The following DAB2 variants were observed in gnomAD, a reference collection of about 807,000 sequenced individuals.
The protein encoded by DAB2 is DAB adaptor protein 2, also known as disabled homolog 2.
DAB2 carries 28 observed loss-of-function variants against 71.6 expected under a neutral mutation model. The ratio of observed to expected loss-of-function variants is 0.39; its 90% confidence interval spans 0.29 to 0.54. DAB2 has a LOEUF of 0.54. DAB2 is among the 20% of genes least tolerant of loss of function. The pLI is 0.68. For synonymous variants in DAB2, 345 were observed against 339.7 expected (o/e 1.02, Z -0.17); for missense variants, 867 against 928.8 (o/e 0.93, Z 0.86).
At position 39,377,244 on chromosome 5, in the gene DAB2, T is replaced by C. The variant is rs1345720873; in HGVS notation, c.1543A>G (p.Asn515Asp). 6.2e-7 allele frequency: 1 copy of C among 1,614,096 alleles called. No homozygotes were observed. ...TVTLPQAGPW[N>D]TASLVFNQSP... ...TGATTGAAGACCAAAGATGCTGTGT[T>C]CCATGGTCCTGCCTGAGGGAGTGTG... Residue 515 changes from asparagine to aspartate, a missense_variant, in exon 12 of 15, where the codon AAC becomes GAC. Asn to Asp is a conservative substitution (Grantham distance 23). Around this residue, in one of 2 missense-constraint regions of DAB2, gnomAD observed 740 missense variants for 734.3 expected, o/e 1.01. Coordinates refer to ENST00000320816, the MANE Select transcript of DAB2 (RefSeq NM_001343.4).
intron 3 of DAB2, 95 bp downstream of exon 3, chr5:39,393,159 A>G: frequency 7.7e-7 from 1 of 1,299,994 alleles, no homozygotes; most frequent in Non-Finnish European, 1.1e-6. Flanking sequence ...GCAGTTTTCA[A>G]GTAATTGAAC....
intron 1 of DAB2, chr5:39,417,612 T>C (rs1193245473): frequency 6.6e-6 from 1 of 152,208 alleles, no homozygotes; most frequent in Non-Finnish European, 1.5e-5. Flanking sequence ...ACCACTTAAC[T>C]ACAATAAAAT....
Position 39,401,762 on chromosome 5 carries a change from T to TTTATTTATTTATTTACTTAC in DAB2, c.-101-7342_-101-7341insGTAAGTAAATAAATAAATAA, listed in dbSNP as rs879679271. On this transcript the variant is annotated intron_variant, in intron 1 of 14. Transcript: ENST00000320816. ...ATTTATTTATTTATTTATTTATTTA[T>TTTATTTATTTATTTACTTAC]TTATTTTTGAGACGGAGTCTTGCTC... Among the ~76,000 whole-genome samples the TTTATTTATTTATTTACTTAC allele has an allele frequency of 1.6e-4, 24 of 151,260 alleles. No homozygotes were observed. In the South Asian group the frequency reaches 4.4e-3, roughly 28 times the overall value.
chr5:39,421,226 T>C (rs1220010631), intron 1 of DAB2, among the ~76,000 whole-genome samples: 1 of 152,202 alleles, frequency 6.6e-6, no homozygotes. Flanking sequence ...CTTTTTCAAG[T>C]AGGTGAAGGG....
chr5:39,406,660 T>C (rs549784930), intron 1 of DAB2, among the ~76,000 whole-genome samples: 123 of 152,328 alleles, frequency 8.1e-4, no homozygotes, highest in African/African-American at 2.9e-3. Context: ...AAAGTGTTCA[T>C]AGGCAACTGG....
At chr5:39,415,473 A>G (rs1450292248) in intron 1 of DAB2, among the ~76,000 whole-genome samples, 2 of 152,202 alleles carry the variant, frequency 1.3e-5, no homozygotes, top group East Asian at 3.8e-4. Context: ...GAACTTCTGT[A>G]TTCTAGAACC....
At chr5:39,403,787 T>C (rs1579919725) in intron 1 of DAB2, among the ~76,000 whole-genome samples, 1 of 151,342 alleles carries the variant, frequency 6.6e-6, no homozygotes, top group East Asian at 2.0e-4. Context: ...TACTCTGGAC[T>C]CATTATAACC....
At chr5:39,405,893 C>G (rs892076919) in intron 1 of DAB2, among the ~76,000 whole-genome samples, 11 of 152,170 alleles carry the variant, frequency 7.2e-5, no homozygotes, top group African/African-American at 2.7e-4. Flanking sequence ...AGAGAAATAT[C>G]AAGTCACCTA....
chr5:39,396,713 G>A (rs1054486348), intron 1 of DAB2, among the ~76,000 whole-genome samples: 5 of 152,214 alleles, frequency 3.3e-5, no homozygotes, highest in African/African-American at 4.8e-5. Context: ...GACAGTAACC[G>A]TTTTCCAGAA....
intron 1 of DAB2, chr5:39,418,399 AGACCAGGTCTTGGCCCCC>A (rs1399441906): frequency 6.6e-6 from 1 of 152,224 alleles, no homozygotes; most frequent in African/African-American, 2.4e-5. Context: ...ACAGAAAACT[AGACCAGGTCTTGGCCCCC>A]TAATAGGACA....
Position 39,392,447 on chromosome 5 carries a change from C to T in DAB2, c.248G>A (p.Gly83Asp). The T allele has an allele frequency of 1.2e-6, 2 of 1,613,598 alleles. No homozygotes were observed. Among genetic ancestry groups the T allele is most frequent in the East Asian group, 2.2e-5 (1 of 44,888 alleles). The change falls in exon 4 of 15, where the codon GGT becomes GAT. Residue 83 changes from glycine to aspartate, a missense_variant. Transcript: ENST00000320816. The part of the protein sequence containing the change: ...MMKLKGMAAA[G>D]RSQGQHKQRI... ...TTGTTTGTGTTGTCCCTGAGACCGACCAGCTGCCGCCATTCCCTGATGAGG... is the reference window on the plus strand; with the variant it reads ...TTGTTTGTGTTGTCCCTGAGACCGATCAGCTGCCGCCATTCCCTGATGAGG...
Position 39,373,587 on chromosome 5 carries a change from C to A in DAB2, c.*6-162G>T, listed in dbSNP as rs700239. ...TAAATGTAGAGCATCTAATAAAATG[C>A]TTAGCGCAAGTGCTCAACAATGTTA... On this transcript the variant is annotated intron_variant, in intron 14 of 14. Transcript: ENST00000320816. Among the ~76,000 whole-genome samples, 120,661 of 152,098 alleles carry A rather than the reference C, an allele frequency of 0.79. 49,470 individuals are homozygous for A. Among genetic ancestry groups the A allele is most frequent in the Non-Finnish European group, 0.9 (60,908 of 68,008 alleles).
At chr5:39,420,272 C>A (rs1437108046) in intron 1 of DAB2, among the ~76,000 whole-genome samples, 1 of 152,140 alleles carries the variant, frequency 6.6e-6, no homozygotes, top group Admixed American at 6.6e-5. Context: ...AGATCAAAGT[C>A]TTTTTGGGAC....
At chr5:39,405,509 G>A (rs1245965683) in intron 1 of DAB2, among the ~76,000 whole-genome samples, 2 of 152,144 alleles carry the variant, frequency 1.3e-5, no homozygotes, top group African/African-American at 4.8e-5. Flanking sequence ...AATCATTTGG[G>A]CTATGACCTG....
chr5:39,390,018 G>GA (rs1223171932), intron 5 of DAB2, 86 bp from the exon 6 acceptor site: 27 of 1,035,254 alleles, frequency 2.6e-5, no homozygotes, highest in Non-Finnish European at 3.6e-5. Context: ...TTCATACTGG[G>GA]ATTTTTTTTT....
In DAB2 at chr5:39,386,451, C is replaced by CT. The variant is rs1338512048; in HGVS notation, c.687+1853dup. 3.9e-5 allele frequency among the ~76,000 whole-genome samples: 6 copies of CT among 152,114 alleles called. No homozygotes were observed. The East Asian group carries it at 1.2e-3, about 29-fold the overall frequency. On this transcript the variant is annotated intron_variant, in intron 9 of 14. Coordinates refer to ENST00000320816, the MANE Select transcript of DAB2 (RefSeq NM_001343.4). ...AGATAAATCTATTTTTGACCTATGACTATAGAGTCAATAGATAAGAACATG... is the reference window on the plus strand; with the variant it reads ...AGATAAATCTATTTTTGACCTATGACTTATAGAGTCAATAGATAAGAACATG...
intron 1 of DAB2, among the ~76,000 whole-genome samples, chr5:39,406,985 A>G (rs1755621983): frequency 6.6e-6 from 1 of 152,228 alleles, no homozygotes; most frequent in African/African-American, 2.4e-5. Flanking sequence ...TAAATTTGGC[A>G]TCTAAATATA....
Position 39,376,059 on chromosome 5 carries a change from A to C in DAB2, c.2185T>G (p.Ser729Ala), listed in dbSNP as rs997158401. 1.2e-6 allele frequency: 2 copies of C among 1,614,118 alleles called. No individual in the cohort carries two copies. Among genetic ancestry groups the C allele is most frequent in the Non-Finnish European group, 1.7e-6 (2 of 1,179,984 alleles). Reference sequence around the variant, plus strand: ...GGGTTCTCAAATGCATTGTCAGTAGATTTGGTAACTGGCAGGGAAACTTGT... The same window carrying C: ...GGGTTCTCAAATGCATTGTCAGTAGCTTTGGTAACTGGCAGGGAAACTTGT... Reference protein sequence around the residue: ...PRQVSLPVTKSTDNAFENPFF... With the variant: ...PRQVSLPVTKATDNAFENPFF... The change falls in exon 13 of 15, where the codon TCT becomes GCT. Residue 729 changes from serine (S) to alanine (A), a missense_variant. By Grantham distance (99) the Ser-to-Ala change is moderately conservative. Coordinates refer to ENST00000320816, the MANE Select transcript of DAB2 (RefSeq NM_001343.4).
chr5:39,415,355 A>G (rs1252521904), intron 1 of DAB2, among the ~76,000 whole-genome samples: 2 of 152,138 alleles, frequency 1.3e-5, no homozygotes, highest in African/African-American at 4.8e-5. Context: ...GAGTTATCAT[A>G]AGATCCAAAG....
Sources: allele counts gnomAD v4.1 joint callset (sites outside exome capture counted in the v4.1 genomes callset), GRCh38; gene constraint gnomAD v4.1.1; regional missense constraint gnomAD v4.1.1; transcripts MANE v1.5; gene names NCBI Gene and HGNC (gene_info 2026-07-23, HGNC 2026-07-21).